NLRC5: variants seen among roughly 807,000 people sequenced by gnomAD.
NLRC5 encodes the protein NLR family CARD domain containing 5, also known as protein NLRC5.
In NLRC5, 114 loss-of-function variants were observed where a neutral mutation model predicts 206.9. The ratio of observed to expected loss-of-function variants is 0.55; its 90% CI spans 0.47 to 0.64. The LOEUF (loss-of-function observed/expected upper bound fraction) is 0.64, where lower values mean the gene tolerates loss of function less well. Among genes scored for constraint, NLRC5 ranks in the 30% least tolerant of loss-of-function variants. The pLI is 0.00. For synonymous variants in NLRC5, 952 were observed against 962.8 expected, an observed-to-expected ratio of 0.99 and a Z score of 0.21; for missense variants, 2,008 against 2,305.5, an observed-to-expected ratio of 0.87 and a Z score of 2.64.
At chr16:57,072,277 T>A (rs1384021902) in intron 38 of NLRC5, among the ~76,000 whole-genome samples, 1 of 152,154 alleles carries the variant, frequency 6.6e-6, no homozygotes, top group African/African-American at 2.4e-5. Flanking sequence ...CTCTCTGTGG[T>A]TACAACAAAA....
chr16:57,042,366 A>T (rs2143720567), intron 19 of NLRC5, among the ~76,000 whole-genome samples: 1 of 152,084 alleles, frequency 6.6e-6, no homozygotes, highest in East Asian at 1.9e-4. Context: ...AGTATGACTA[A>T]CGGCTGGCAG....
At chr16:57,075,914 A>T (rs1380194199) in intron 39 of NLRC5, 2 of 152,734 alleles carry the variant, frequency 1.3e-5, no homozygotes, top group African/African-American at 4.8e-5. Context: ...ATTTATTTCT[A>T]TTTTATTTTT....
At position 57,024,637 on chromosome 16, in the gene NLRC5, C is replaced by G. The variant is rs75838407; in HGVS notation, c.425-731C>G. ...AGGCCTACAGGTTGTTAGTGCTCAC[C>G]CCTGGGCATTGCAGAACTGAAATAT... is the stretch of plus-strand genomic sequence containing the variant. On this transcript the variant is annotated intron_variant, in intron 5 of 48. Transcript: ENST00000688547. Among the ~76,000 whole-genome samples, 3,623 of 152,268 alleles carry G rather than the reference C, an allele frequency of 0.024. 486 individuals are homozygous for G. The East Asian group carries it at 0.4, about 17-fold the overall frequency.
chr16:57,031,259 C>T (rs2143013754), intron 10 of NLRC5, 145 bp from the exon 11 acceptor site: 1 of 758,730 alleles, frequency 1.3e-6, no homozygotes, highest in Non-Finnish European at 2.3e-6. Context: ...AACACTTTTG[C>T]TAGTTCCGTT....
intron 17 of NLRC5, chr16:57,041,270 CTG>C (rs1453943380): frequency 9.3e-6 from 5 of 538,762 alleles, no homozygotes; most frequent in Non-Finnish European, 3.3e-6. Context: ...TTCCTTCCAT[CTG>C]TGTCTCTGCC....
Position 57,025,852 on chromosome 16 carries a change from G to A in NLRC5, c.909G>A (p.Leu303=). The A allele has an allele frequency of 6.2e-7, 1 of 1,614,244 alleles. No homozygotes were observed. The highest frequency in any genetic ancestry group is 1.1e-5 in the South Asian group (1 of 91,086). The change falls in exon 6 of 49, where the codon CTG becomes CTA. Residue 303 remains leucine, a synonymous_variant. Coordinates refer to ENST00000688547, the MANE Select transcript of NLRC5 (RefSeq NM_001384950.1). ...TGGAGAAGAACGCTGACCAAGTCCT[G>A]CTGATCTTTGATGGGCTAGATGAGG... ...QYLEKNADQV[L]LIFDGLDEAL... is the part of the protein sequence containing the mutation.
intron 1 of NLRC5, among the ~76,000 whole-genome samples, chr16:57,005,919 C>CAA (rs34438852): frequency 7.3e-6 from 1 of 137,620 alleles, no homozygotes. Context: ...TACCCTGTCT[C>CAA]AAAAAAAAAA....
intron 24 of NLRC5, among the ~76,000 whole-genome samples, chr16:57,054,049 G>A (rs528845784): frequency 6.6e-6 from 1 of 152,260 alleles, no homozygotes; most frequent in South Asian, 2.1e-4. Flanking sequence ...GGCAAATGGA[G>A]GTGCTGAGGC....
Position 57,036,913 on chromosome 16 carries a change from T to C in NLRC5, c.2712-282T>C, listed in dbSNP as rs149835011. ...TCTGGTATAGTCAGGGCTCAGAAAATGGTGGTTATTTTACAGATGAGAAAA... is the reference window on the plus strand; with the variant it reads ...TCTGGTATAGTCAGGGCTCAGAAAACGGTGGTTATTTTACAGATGAGAAAA... On this transcript the variant is annotated intron_variant, in intron 14 of 48. Transcript: ENST00000688547. 5.0e-3 allele frequency among the ~76,000 whole-genome samples: 765 copies of C among 151,756 alleles called. 4 individuals carry two copies. The highest frequency in any genetic ancestry group is 8.7e-3 in the Non-Finnish European group (591 of 67,902).
At chr16:57,051,400 C>T in intron 23 of NLRC5, 138 bp from the exon 24 acceptor site, 1 of 702,384 alleles carries the variant, frequency 1.4e-6, no homozygotes, top group Non-Finnish European at 2.6e-6. Flanking sequence ...CACGGATAAC[C>T]CATGGACCCA....
At chr16:57,066,736 C>T in intron 34 of NLRC5, 122 bp downstream of exon 34, 2 of 869,544 alleles carry the variant, frequency 2.3e-6, no homozygotes, top group Admixed American at 4.2e-5. Flanking sequence ...TTTACACAGG[C>T]TACAGAGGTC....
At chr16:57,030,438 A>AGATG (rs71152231) in intron 10 of NLRC5, among the ~76,000 whole-genome samples, 1,854 of 89,564 alleles carry the variant, frequency 0.021, 240 homozygotes, top group African/African-American at 0.077. Context: ...GTGGATGAAA[A>AGATG]GATGGATGGA....
chr16:57,006,319 A>C (rs1271499599), intron 1 of NLRC5, among the ~76,000 whole-genome samples: 1 of 151,002 alleles, frequency 6.6e-6, no homozygotes, highest in African/African-American at 2.4e-5. Context: ...CAAAGGAAGC[A>C]TATTCTACAC....
chr16:57,028,883 TCTAA>T (rs1328690499), intron 8 of NLRC5, among the ~76,000 whole-genome samples: 15 of 152,298 alleles, frequency 9.8e-5, no homozygotes, highest in African/African-American at 3.4e-4. Context: ...GCCAGCACAC[TCTAA>T]CTAACTAAGC....
chr16:57,044,369 T>G (rs1196442388), intron 20 of NLRC5, among the ~76,000 whole-genome samples: 1 of 151,474 alleles, frequency 6.6e-6, no homozygotes, highest in Non-Finnish European at 1.5e-5. Context: ...CTCAGGGACC[T>G]GTCTTAATTG....
rs754567844 is a variant in NLRC5 at position 57,082,633 on chromosome 16, G to A, written c.*105G>A. ...CAGGAAAGAAGAGCCTCGGCAGGGC[G>A]CTCTGCACTCCACCCAGGAGGAAGG... On this transcript the variant is annotated 3_prime_UTR_variant, in exon 49 of 49. Coordinates refer to ENST00000688547, the MANE Select transcript of NLRC5 (RefSeq NM_001384950.1). The A allele has an allele frequency of 2.0e-4, 153 of 774,690 alleles. No homozygotes were observed. The highest frequency in any genetic ancestry group is 3.0e-4 in the Non-Finnish European group (141 of 473,722). 48.0% of individuals were successfully genotyped at this position (774,690 alleles called of 1,614,324 possible). A position where few individuals can be genotyped will look rare whatever the true frequency, so the allele number is the denominator to read the frequency against.
chr16:57,065,254 G>A lies in NLRC5; in HGVS notation c.4197G>A (p.Leu1399=). 6.3e-7 allele frequency: 1 copy of A among 1,587,640 alleles called. No individual in the cohort carries two copies. Among genetic ancestry groups the A allele is most frequent in the Non-Finnish European group, 8.6e-7 (1 of 1,164,862 alleles). ...PWADRARVLS[L]LEVCAQASGS... ...CGGACAGAGCCAGGGTTCTCTCCCT[G>A]TTAGAAGTCTGCGCCCAGGCCTCAG... Residue 1399 remains leucine, a synonymous_variant, in exon 33 of 49, where the codon CTG becomes CTA. Coordinates refer to ENST00000688547, the MANE Select transcript of NLRC5 (RefSeq NM_001384950.1).
At chr16:57,077,004 C>T (rs2068485500) in intron 40 of NLRC5, 102 bp downstream of exon 40, 3 of 1,006,466 alleles carry the variant, frequency 3.0e-6, no homozygotes, top group African/African-American at 1.6e-5. Flanking sequence ...TTCATCTCAT[C>T]TCCTTCACCC....
Position 56,991,597 on chromosome 16 carries a change from G to T in NLRC5, c.-128+1980G>T, listed in dbSNP as rs184203237. 4.2e-3 allele frequency among the ~76,000 whole-genome samples: 632 copies of T among 151,348 alleles called. 5 individuals carry two copies. Among genetic ancestry groups the T allele is most frequent in the Middle Eastern group, 6.8e-3 (2 of 292 alleles). On this transcript the variant is annotated intron_variant, in intron 1 of 48. Coordinates refer to ENST00000688547, the MANE Select transcript of NLRC5 (RefSeq NM_001384950.1). ...GGGTTTCACTATGTTCGCCAGGCTGGTGTCAAACTCCCAACCTCAGATGAT... is the reference window on the plus strand; with the variant it reads ...GGGTTTCACTATGTTCGCCAGGCTGTTGTCAAACTCCCAACCTCAGATGAT...
Sources: gnomAD v4.1 joint callset for allele counts (sites outside exome capture counted in the v4.1 genomes callset) on GRCh38, gnomAD v4.1.1 for gene constraint, MANE v1.5 for transcripts, NCBI Gene and HGNC (gene_info 2026-07-23, HGNC 2026-07-21) for gene names.